Variants in XCL1 observed in about 807,000 individuals in gnomAD.
XCL1 encodes X-C motif chemokine ligand 1, also known as lymphotactin.
In XCL1, 6 loss-of-function variants were observed where a neutral mutation model predicts 7.4. That is an observed-to-expected ratio of 0.82 (90% confidence interval 0.45 to 1.61). The LOEUF (loss-of-function observed/expected upper bound fraction) is 1.61. XCL1 is among the 40% of genes most tolerant of loss of function. The probability of loss-of-function intolerance (pLI) is 0.01; values close to 1 mark genes in which losing one functional copy is unlikely to be tolerated. For synonymous variants in XCL1, 48 were observed against 52.4 expected (o/e 0.92, Z 0.36); for missense variants, 122 against 138.2 (o/e 0.88, Z 0.59).
Position 168,581,450 on chromosome 1 carries a change from A to G in XCL1, c.*230A>G. The G allele has an allele frequency of 2.4e-6, 1 of 408,218 alleles. No individual in the cohort carries two copies. Among genetic ancestry groups the G allele is most frequent in the Non-Finnish European group, 4.0e-6 (1 of 252,798 alleles). 25.3% of individuals were successfully genotyped at this position (408,218 alleles called of 1,614,324 possible). On this transcript the variant is annotated 3_prime_UTR_variant, in exon 3 of 3. Coordinates refer to ENST00000367818, the MANE Select transcript of XCL1 (RefSeq NM_002995.3). ...CATTATATTTAGGGAAAGGTAGTGT[A>G]TCATTGTTGTTTGATTTCTGACCTT...
intron 2 of XCL1, among the ~76,000 whole-genome samples, chr1:168,580,846 G>A (rs1181418947): frequency 6.6e-6 from 1 of 152,096 alleles, no homozygotes; most frequent in Non-Finnish European, 1.5e-5. Context: ...TGAACAAAGG[G>A]GCTGGATACT....
chr1:168,579,985 A>C, intron 1 of XCL1, 78 bp from the exon 2 acceptor site: 1 of 1,415,872 alleles, frequency 7.1e-7, no homozygotes, highest in Non-Finnish European at 9.6e-7. Context: ...TTCTCAGAGT[A>C]ATTTAACAGA....
chr1:168,581,938 G>A lies in XCL1; in HGVS notation c.*718G>A, dbSNP rs1411077366. The A allele has an allele frequency of 3.3e-5, 5 of 152,132 alleles. No homozygotes were observed. Among genetic ancestry groups the A allele is most frequent in the African/African-American group, 7.2e-5 (3 of 41,442 alleles). 9.4% of individuals were successfully genotyped at this position (152,132 alleles called of 1,614,324 possible). A position where few individuals can be genotyped will look rare whatever the true frequency, so the allele number is the denominator to read the frequency against. On this transcript the variant is annotated 3_prime_UTR_variant, in exon 3 of 3. Coordinates refer to ENST00000367818, the MANE Select transcript of XCL1 (RefSeq NM_002995.3). ...TTAGGATTTCTGTATTTGCCATTAC[G>A]CTAGTTATCATGCATGTTATGCTTT...
chr1:168,579,870 A>G (rs1468337015), intron 1 of XCL1, among the ~76,000 whole-genome samples, 193 bp from the exon 2 acceptor site: 1 of 152,130 alleles, frequency 6.6e-6, no homozygotes, highest in Non-Finnish European at 1.5e-5. Context: ...TTGAGTTTTT[A>G]AATTAGTCAA....
chr1:168,576,818 T>C (rs1655035393), intron 1 of XCL1, 120 bp downstream of exon 1: 19 of 1,325,234 alleles, frequency 1.4e-5, no homozygotes, highest in Admixed American at 2.0e-5. Context: ...AGCCTTAAAC[T>C]TCCCATGTGC....
intron 1 of XCL1, chr1:168,578,633 A>C (rs1401277270): frequency 4.7e-6 from 1 of 212,648 alleles, no homozygotes; most frequent in African/African-American, 2.3e-5. Flanking sequence ...TATGTACAGA[A>C]AACTCAACAG....
At chr1:168,579,860 T>C (rs928458820) in intron 1 of XCL1, among the ~76,000 whole-genome samples, 2 of 152,192 alleles carry the variant, frequency 1.3e-5, no homozygotes, top group Non-Finnish European at 2.9e-5. Flanking sequence ...ATTCTGTTGA[T>C]TGAGTTTTTA....
intron 1 of XCL1, 93 bp downstream of exon 1, chr1:168,576,791 C>A (rs569923750): frequency 0.013 from 19,203 of 1,502,988 alleles, 197 homozygotes; most frequent in South Asian, 0.018. Flanking sequence ...ACTGGACTAA[C>A]CTGCTTTCCC....
rs532181445 is a variant in XCL1, at chr1:168,579,395, G to T, written c.62-668G>T. On this transcript the variant is annotated intron_variant, in intron 1 of 2. Coordinates refer to ENST00000367818, the MANE Select transcript of XCL1 (RefSeq NM_002995.3). ...GCCTCCTGCTTCCTCACGACGGCAGGGTCTGGGGCCACTTTCCTTCCTTTG... is the reference window on the plus strand; with the variant it reads ...GCCTCCTGCTTCCTCACGACGGCAGTGTCTGGGGCCACTTTCCTTCCTTTG... The T allele has an allele frequency of 2.3e-5, 4 of 175,736 alleles. No individual in the cohort carries two copies. The South Asian group carries it at 5.2e-4, about 23-fold the overall frequency. 10.9% of individuals were successfully genotyped at this position (175,736 alleles called of 1,614,324 possible).
rs369654154 is a variant in XCL1, at chr1:168,576,608, C to G, written c.-30C>G. On this transcript the variant is annotated 5_prime_UTR_variant, in exon 1 of 3. Coordinates refer to ENST00000367818, the MANE Select transcript of XCL1 (RefSeq NM_002995.3). ...GTCCTCAAAGAGCCCGATCCTCACT[C>G]TCCTTGCACAGCTCAGCAGGACCTC... 109 of 1,612,862 alleles carry G rather than the reference C, an allele frequency of 6.8e-5. 1 individual carries two copies. The highest frequency in any genetic ancestry group is 8.7e-5 in the Non-Finnish European group (103 of 1,179,370).
At chr1:168,578,973 G>C (rs915491895) in intron 1 of XCL1, 3 of 395,944 alleles carry the variant, frequency 7.6e-6, no homozygotes, top group African/African-American at 6.3e-5. Flanking sequence ...TGCAATACCA[G>C]CTGAGCCTTC....
Position 168,581,364 on chromosome 1 carries a change from A to T in XCL1, c.*144A>T. On this transcript the variant is annotated 3_prime_UTR_variant, in exon 3 of 3. Coordinates refer to ENST00000367818, the MANE Select transcript of XCL1 (RefSeq NM_002995.3). Reference sequence around the variant, plus strand: ...ATTTTTACTTTTAAATGTCTTCTGTATTCACTTATATGTTCTAATTAATAA... The same window carrying T: ...ATTTTTACTTTTAAATGTCTTCTGTTTTCACTTATATGTTCTAATTAATAA... 1.0e-6 allele frequency: 1 copy of T among 959,716 alleles called. No individual in the cohort carries two copies. Among genetic ancestry groups the T allele is most frequent in the Non-Finnish European group, 1.5e-6 (1 of 675,796 alleles). The allele number at this position is 959,716 out of a possible 1,614,324, so 59.5% of individuals were successfully genotyped here.
At chr1:168,579,321 A>G (rs1229758932) in intron 1 of XCL1, 1 of 226,238 alleles carries the variant, frequency 4.4e-6, no homozygotes, top group Admixed American at 4.9e-5. Context: ...ATGCCTGCCT[A>G]AGAAAACTCT....
At chr1:168,578,828 G>A (rs762930264) in intron 1 of XCL1, 18 of 431,138 alleles carry the variant, frequency 4.2e-5, no homozygotes, top group Non-Finnish European at 7.2e-5. Context: ...CTTGTGTGAA[G>A]GCCACAGTGG....
chr1:168,581,192 C>T lies in XCL1; in HGVS notation c.317C>T (p.Thr106Ile). 1 of 1,613,768 alleles carries T rather than the reference C, an allele frequency of 6.2e-7. No individual in the cohort carries two copies. ...AAGCCAACAGGAACCCAGCAATCGA[C>T]CAATACAGCTGTGACTCTGACTGGC... ...QTKPTGTQQS[T>I]NTAVTLTG The change falls in exon 3 of 3, where the codon ACC becomes ATC. Residue 106 changes from threonine to isoleucine, a missense_variant. By Grantham distance (89) the Thr-to-Ile change is moderately conservative. Transcript: ENST00000367818.
intron 1 of XCL1, among the ~76,000 whole-genome samples, chr1:168,578,322 AT>A (rs1655075262): frequency 6.6e-6 from 1 of 152,198 alleles, no homozygotes; most frequent in Admixed American, 6.5e-5. Context: ...AATGTTGGCC[AT>A]TATCAGTGGT....
Position 168,580,196 on chromosome 1 carries a change from AAG to A in XCL1, c.176+20_176+21del. 3 of 1,612,564 alleles carry A rather than the reference AAG, an allele frequency of 1.9e-6. No homozygotes were observed. In the South Asian group the frequency reaches 3.3e-5, roughly 18 times the overall value. Reference sequence around the variant, plus strand: ...CAGTAATGTGAGTCTGCCTCCTCAGAAGTTGTGCTGGGTGGGTATCTAGAAGT... The same window carrying A: ...CAGTAATGTGAGTCTGCCTCCTCAGATTGTGCTGGGTGGGTATCTAGAAGT... On this transcript the variant is annotated intron_variant, in intron 2 of 2. Coordinates refer to ENST00000367818, the MANE Select transcript of XCL1 (RefSeq NM_002995.3).
rs757360481 is a variant in XCL1, at chr1:168,581,241, G to A, written c.*21G>A. 1.7e-5 allele frequency: 28 copies of A among 1,610,402 alleles called. No individual in the cohort carries two copies. Among genetic ancestry groups the A allele is most frequent in the South Asian group, 8.8e-5 (8 of 90,896 alleles). On this transcript the variant is annotated 3_prime_UTR_variant, in exon 3 of 3. Transcript: ENST00000367818. ...GCTAGTAGTCTCTGGCACCCTGTCC[G>A]TCTCCAGCCAGCCAGCTCATTTCAC...
At chr1:168,578,405 C>T (rs1655077218) in intron 1 of XCL1, among the ~76,000 whole-genome samples, 1 of 152,160 alleles carries the variant, frequency 6.6e-6, no homozygotes, top group African/African-American at 2.4e-5. Flanking sequence ...AGGAGAAAAT[C>T]AGCACTTAGA....
Sources: allele counts gnomAD v4.1 joint callset (sites outside exome capture counted in the v4.1 genomes callset), GRCh38; gene constraint gnomAD v4.1.1; transcripts MANE v1.5; gene names NCBI Gene and HGNC (gene_info 2026-07-23, HGNC 2026-07-21).